RIF1: variants seen among roughly 807,000 people sequenced by gnomAD.
RIF1 encodes replication timing regulatory factor 1, also known as telomere-associated protein RIF1.
A neutral mutation model predicts 247.1 loss-of-function variants in RIF1; 45 were observed. The ratio of observed to expected loss-of-function variants is 0.18; its 90% confidence interval spans 0.14 to 0.23. The LOEUF (loss-of-function observed/expected upper bound fraction) is 0.23, where lower values mean the gene tolerates loss of function less well. Among genes scored for constraint, RIF1 ranks in the 10% least tolerant of loss-of-function variants. RIF1 has a pLI of 1.00. For missense variants in RIF1, 2,967 were observed against 2,862.5 expected (o/e 1.04, Z -0.83); for synonymous variants, 1,087 against 978.8 (o/e 1.11, Z -2.06).
chr2:151,513,766 G>T, the RIF1 span: 3 of 1,060,010 alleles, frequency 2.8e-6, no homozygotes, highest in Non-Finnish European at 4.2e-6. Flanking sequence ...CAGGGTGAAT[G>T]TAAATCCACA....
chr2:151,500,106 A>G lies in RIF1; in HGVS notation c.*709+566A>G, dbSNP rs572148392. ...AAAAGGAATAATAATTACAACCCAC[A>G]GGGAAAACAATGAGTATAACATTCC... On this transcript the variant is annotated intron_variant and NMD_transcript_variant, in intron 11 of 13. Coordinates refer to the RIF1 transcript ENST00000454583. 5.4e-4 allele frequency among the ~76,000 whole-genome samples: 83 copies of G among 152,326 alleles called. 1 individual carries two copies. The highest frequency in any genetic ancestry group is 1.7e-3 in the African/African-American group (72 of 41,570).
chr2:151,457,954 A>G lies in RIF1; in HGVS notation c.2846A>G (p.Glu949Gly). The part of the protein sequence containing the change: ...FAKVMMLVYP[E>G]ELKPVLTQAK... ...AAAGTGATGATGTTGGTTTATCCTG[A>G]AGAGTTAAAGTATGCTAACAACAAA... The change falls in exon 24 of 36, where the codon GAA (glutamate) becomes GGA (glycine). Residue 949 changes from glutamate (E) to glycine (G), a missense_variant. Physicochemically the swap from Glu to Gly is moderately conservative, Grantham distance 98. Transcript: ENST00000444746. 3 of 1,612,590 alleles carry G rather than the reference A, an allele frequency of 1.9e-6. No individual in the cohort carries two copies. In the South Asian group the frequency reaches 3.3e-5, roughly 18 times the overall value.
chr2:151,455,519 C>G (rs1222856839), intron 22 of RIF1, among the ~76,000 whole-genome samples: 1 of 152,108 alleles, frequency 6.6e-6, no homozygotes, highest in Non-Finnish European at 1.5e-5. Flanking sequence ...CTGTTTGTAT[C>G]CATGGGTTCT....
At chr2:151,457,023 C>A (rs910530506) in intron 23 of RIF1, among the ~76,000 whole-genome samples, 1 of 152,132 alleles carries the variant, frequency 6.6e-6, no homozygotes, top group African/African-American at 2.4e-5. Context: ...TGTGAGCCAA[C>A]ACGCTTGTCC....
chr2:151,505,006 G>T (rs749132969), intron 12 of RIF1, among the ~76,000 whole-genome samples: 1 of 151,778 alleles, frequency 6.6e-6, no homozygotes, highest in Non-Finnish European at 1.5e-5. Context: ...GTCTACCCAG[G>T]GTCTTTTTGG....
At chr2:151,496,657 T>A (rs1484173618) in intron 10 of RIF1, among the ~76,000 whole-genome samples, 1 of 152,082 alleles carries the variant, frequency 6.6e-6, no homozygotes, top group Non-Finnish European at 1.5e-5. Context: ...AACAATCACA[T>A]GAGGATTTGA....
rs1293905087 is a variant in RIF1 at position 151,476,329 on chromosome 2, A to G, written c.*1258A>G. 3 of 152,156 alleles carry G rather than the reference A, an allele frequency of 2.0e-5. No individual in the cohort carries two copies. The highest frequency in any genetic ancestry group is 4.4e-5 in the Non-Finnish European group (3 of 67,998). The allele number at this position is 152,156 out of a possible 1,614,324, so 9.4% of individuals were successfully genotyped here. On this transcript the variant is annotated 3_prime_UTR_variant, in exon 36 of 36. Coordinates refer to ENST00000444746, the MANE Select transcript of RIF1 (RefSeq NM_018151.5). ...CTAGGTTTTCTTTTTTTAAAGAGGTATGTAATTAAAACCTTTGTAAAATTT... is the reference window on the plus strand; with the variant it reads ...CTAGGTTTTCTTTTTTTAAAGAGGTGTGTAATTAAAACCTTTGTAAAATTT...
chr2:151,502,734 G>GTGT (rs1371384150), intron 11 of RIF1: 8 of 888,316 alleles, frequency 9.0e-6, no homozygotes, highest in East Asian at 2.6e-5. Context: ...CATTTGTAAG[G>GTGT]TGTTATTATT....
In RIF1 at chr2:151,460,074, G is replaced by T; in HGVS notation, c.3030G>T (p.Leu1010Phe). 6.4e-7 allele frequency: 1 copy of T among 1,572,802 alleles called. No individual in the cohort carries two copies. The highest frequency in any genetic ancestry group is 1.8e-5 in the Admixed American group (1 of 55,436). Residue 1010 changes from leucine (L) to phenylalanine (F), a missense_variant, in exon 26 of 36, where the codon TTG becomes TTT. By Grantham distance (22) the Leu-to-Phe change is conservative. Coordinates refer to ENST00000444746, the MANE Select transcript of RIF1 (RefSeq NM_018151.5). ...CAAATGGAAAAAGAGATTCATTTTTGGCACAAACAAAGAATAAAAAAGAAA... is the reference window on the plus strand; with the variant it reads ...CAAATGGAAAAAGAGATTCATTTTTTGCACAAACAAAGAATAAAAAAGAAA... ...RKSNGKRDSF[L>F]AQTKNKKENM...
intron 15 of RIF1, among the ~76,000 whole-genome samples, chr2:151,441,163 G>T (rs1382264996): frequency 6.6e-6 from 1 of 152,084 alleles, no homozygotes; most frequent in Non-Finnish European, 1.5e-5. Flanking sequence ...TGAGGCTGCA[G>T]TGAGCCAAGA....
In RIF1 at chr2:151,465,162, A is replaced by G. The variant is rs1193763067; in HGVS notation, c.5642A>G (p.Glu1881Gly). ...TCACAGGAATCTTTGGAGACAAAAG[A>G]AGAAAAACCAGAAGAAACCCCAAAA... ...NVSQESLETK[E>G]EKPEETPKME... The change falls in exon 30 of 36, where the codon GAA becomes GGA. Residue 1881 changes from glutamate (E) to glycine (G), a missense_variant. This residue lies in a region of RIF1 where 2,028 missense variants were observed against 1,825.6 expected (regional missense o/e 1.11). Coordinates refer to ENST00000444746, the MANE Select transcript of RIF1 (RefSeq NM_018151.5). The G allele has an allele frequency of 1.2e-6, 2 of 1,613,754 alleles. No individual in the cohort carries two copies. Among genetic ancestry groups the G allele is most frequent in the Non-Finnish European group, 1.7e-6 (2 of 1,179,926 alleles).
At chr2:151,512,331 G>C (rs1228629389), downstream of RIF1, among the ~76,000 whole-genome samples, 1 of 151,802 alleles carries the variant, frequency 6.6e-6, no homozygotes, top group East Asian at 1.9e-4. Context: ...ACCATGCCGG[G>C]CTTCTCTCTT....
intron 6 of RIF1, 79 bp downstream of exon 6, chr2:151,416,980 TGAGA>T: frequency 1.8e-6 from 2 of 1,092,940 alleles, no homozygotes; most frequent in Non-Finnish European, 2.7e-6. Flanking sequence ...GGGATTTAAA[TGAGA>T]GACAGACATT....
At position 151,481,554 on chromosome 2, in the gene RIF1, C is replaced by G. The variant is rs1168422836; in HGVS notation, c.*6483C>G. The G allele has an allele frequency of 6.6e-6, 1 of 152,138 alleles. No homozygotes were observed. The highest frequency in any genetic ancestry group is 1.9e-4 in the East Asian group (1 of 5,200). The allele number at this position is 152,138 out of a possible 1,614,324, so 9.4% of individuals were successfully genotyped here. A position where few individuals can be genotyped will look rare whatever the true frequency, so the allele number is the denominator to read the frequency against. On this transcript the variant is annotated 3_prime_UTR_variant, in exon 36 of 36. Transcript: ENST00000444746. Reference sequence around the variant, plus strand: ...TTATTAACCCTCTAATATTGTTGTCCCGATCATTTGGTAAACGCTAAGAGA... The same window carrying G: ...TTATTAACCCTCTAATATTGTTGTCGCGATCATTTGGTAAACGCTAAGAGA...
intron 9 of RIF1, among the ~76,000 whole-genome samples, chr2:151,431,708 G>C (rs1352814791): frequency 6.6e-6 from 1 of 152,162 alleles, no homozygotes; most frequent in Non-Finnish European, 1.5e-5. Context: ...AATCCGGGAG[G>C]AGGAGGCTGC....
rs1042786281 is a variant in RIF1, at chr2:151,443,285, A to T, written c.1761A>T (p.Gln587His). ...GAACTCCAGCTTTGTTCTTAATTCAATTAATTTTCAACAATTTCTTGGAAT... is the reference window on the plus strand; with the variant it reads ...GAACTCCAGCTTTGTTCTTAATTCATTTAATTTTCAACAATTTCTTGGAAT... ...LNGTPALFLI[Q>H]LIFNNFLECG... The change falls in exon 17 of 36, where the codon CAA becomes CAT. Residue 587 changes from glutamine to histidine, a missense_variant. Physicochemically the swap from Gln to His is conservative, Grantham distance 24. Coordinates refer to ENST00000444746, the MANE Select transcript of RIF1 (RefSeq NM_018151.5). 6.2e-7 allele frequency: 1 copy of T among 1,600,272 alleles called. No individual in the cohort carries two copies. The highest frequency in any genetic ancestry group is 8.6e-7 in the Non-Finnish European group (1 of 1,168,670).
At chr2:151,443,982 A>G (rs1249050154) in intron 18 of RIF1, among the ~76,000 whole-genome samples, 2 of 152,180 alleles carry the variant, frequency 1.3e-5, no homozygotes, top group African/African-American at 2.4e-5. Flanking sequence ...TGTATCTTGG[A>G]TTCTTTCAGT....
chr2:151,454,138 C>T (rs551967431), intron 21 of RIF1, among the ~76,000 whole-genome samples: 3 of 152,246 alleles, frequency 2.0e-5, no homozygotes, highest in Non-Finnish European at 1.5e-5. Flanking sequence ...ACTTGTTTTT[C>T]ATGTTACCAT....
chr2:151,455,972 C>T (rs763108712), intron 22 of RIF1, among the ~76,000 whole-genome samples: 2 of 152,184 alleles, frequency 1.3e-5, no homozygotes, highest in Non-Finnish European at 2.9e-5. Context: ...TCATTGCCCA[C>T]ATTTGCCACT....
Sources: allele counts gnomAD v4.1 joint callset (sites outside exome capture counted in the v4.1 genomes callset), GRCh38; gene constraint gnomAD v4.1.1; regional missense constraint gnomAD v4.1.1; transcripts MANE v1.5; gene names NCBI Gene and HGNC (gene_info 2026-07-23, HGNC 2026-07-21).